Variants in OSGIN2 observed in about 807,000 individuals in gnomAD.
OSGIN2 encodes oxidative stress induced growth inhibitor family member 2.
A neutral mutation model predicts 53.8 loss-of-function variants in OSGIN2; 19 were observed. The ratio of observed to expected loss-of-function variants is 0.35; its 90% CI spans 0.25 to 0.52. The LOEUF (loss-of-function observed/expected upper bound fraction) is 0.52. Ranked by LOEUF, OSGIN2 falls within the 20% of genes least tolerant of loss-of-function variation. The pLI is 0.95. For missense variants in OSGIN2, 520 were observed against 662.7 expected, an observed-to-expected ratio of 0.78 and a Z score of 2.36; for synonymous variants, 236 against 236.0, an observed-to-expected ratio of 1.00 and a Z score of 0.00.
At chr8:89,916,151 A>G (rs1586004630) in intron 4 of OSGIN2, among the ~76,000 whole-genome samples, 1 of 152,186 alleles carries the variant, frequency 6.6e-6, no homozygotes, top group Admixed American at 6.5e-5. Flanking sequence ...GGGCATTTAG[A>G]CTGCCTTCTC....
chr8:89,925,595 CA>C lies in OSGIN2; in HGVS notation c.*64del. On this transcript the variant is annotated 3_prime_UTR_variant, in exon 6 of 6. Coordinates refer to ENST00000451899, the MANE Select transcript of OSGIN2 (RefSeq NM_001126111.3). ...TTAAAGATTTTTAATAGTGGTTTTG[CA>C]GTGTACTGGCTTGAATTTTCTGGAC... 1 of 1,328,818 alleles carries C rather than the reference CA, an allele frequency of 7.5e-7. No individual in the cohort carries two copies. Among genetic ancestry groups the C allele is most frequent in the Non-Finnish European group, 1.0e-6 (1 of 960,844 alleles). 82.3% of individuals were successfully genotyped at this position (1,328,818 alleles called of 1,614,324 possible).
chr8:89,925,542 A>G lies in OSGIN2; in HGVS notation c.*10A>G. The G allele has an allele frequency of 1.3e-6, 2 of 1,598,108 alleles. No individual in the cohort carries two copies. Among genetic ancestry groups the G allele is most frequent in the Non-Finnish European group, 1.7e-6 (2 of 1,169,188 alleles). The stretch of plus-strand genomic sequence containing the variant: ...AGATGGGATAGCTTAAAGCAAGTTT[A>G]CAAGTAATTAAAATGGACAGTTTGC... On this transcript the variant is annotated 3_prime_UTR_variant, in exon 6 of 6. Coordinates refer to ENST00000451899, the MANE Select transcript of OSGIN2 (RefSeq NM_001126111.3).
At chr8:89,918,292 C>T (rs984344822) in intron 4 of OSGIN2, among the ~76,000 whole-genome samples, 16 of 151,934 alleles carry the variant, frequency 1.1e-4, no homozygotes, top group Admixed American at 9.8e-4. Flanking sequence ...TTTGTGGATT[C>T]TTGTCTTTTT....
At position 89,914,547 on chromosome 8, in the gene OSGIN2, T is replaced by A; in HGVS notation, c.337-8T>A. On this transcript the variant is annotated splice_region_variant and splice_polypyrimidine_tract_variant and intron_variant, in intron 3 of 5. Coordinates refer to ENST00000451899, the MANE Select transcript of OSGIN2 (RefSeq NM_001126111.3). ...TTTTCAAACTCTGTCTCCCTTTTGT[T>A]CATTCAGGACTTAGAATACTTGTCT... 1 of 1,609,236 alleles carries A rather than the reference T, an allele frequency of 6.2e-7. No homozygotes were observed. Among genetic ancestry groups the A allele is most frequent in the Non-Finnish European group, 8.5e-7 (1 of 1,176,634 alleles).
chr8:89,902,867 G>A (rs1808753594), intron 1 of OSGIN2, 30 bp downstream of exon 1: 3 of 1,349,820 alleles, frequency 2.2e-6, no homozygotes, highest in South Asian at 3.6e-5. Flanking sequence ...TGGGAGGGGA[G>A]CAGGCGGGGA....
chr8:89,904,658 A>C (rs1808797613), intron 1 of OSGIN2, among the ~76,000 whole-genome samples: 2 of 151,880 alleles, frequency 1.3e-5, no homozygotes, highest in Admixed American at 1.3e-4. Flanking sequence ...TCTACTAAAA[A>C]CTCAAAAATT....
intron 2 of OSGIN2, among the ~76,000 whole-genome samples, chr8:89,913,393 G>A (rs1004153753): frequency 4.6e-5 from 7 of 152,160 alleles, no homozygotes; most frequent in African/African-American, 1.7e-4. Context: ...CATAATCTTT[G>A]CAAAAGTTGT....
At chr8:89,922,407 T>C (rs1809225719) in intron 5 of OSGIN2, among the ~76,000 whole-genome samples, 1 of 152,224 alleles carries the variant, frequency 6.6e-6, no homozygotes, top group South Asian at 2.1e-4. Context: ...TTCTTGATCT[T>C]CGTAACTTGG....
chr8:89,912,180 C>T (rs1808981603), intron 2 of OSGIN2, among the ~76,000 whole-genome samples: 1 of 152,078 alleles, frequency 6.6e-6, no homozygotes, highest in South Asian at 2.1e-4. Context: ...TTTTGAAAGG[C>T]AGATATAATA....
At chr8:89,919,595 T>C (rs536545577) in intron 4 of OSGIN2, among the ~76,000 whole-genome samples, 1 of 152,306 alleles carries the variant, frequency 6.6e-6, no homozygotes, top group South Asian at 2.1e-4. Flanking sequence ...AGAAGTTATT[T>C]CTAAGAAGGT....
intron 4 of OSGIN2, 25 bp from the exon 5 acceptor site, chr8:89,921,055 C>CT: frequency 7.6e-7 from 1 of 1,314,050 alleles, no homozygotes; most frequent in Non-Finnish European, 1.1e-6. Flanking sequence ...TTTGACGGTA[C>CT]ATTTTTTTTT....
chr8:89,902,928 G>T, intron 1 of OSGIN2, 91 bp downstream of exon 1: 1 of 938,632 alleles, frequency 1.1e-6, no homozygotes, highest in South Asian at 2.6e-5. Flanking sequence ...CCGGGGTGGA[G>T]GGCGAGCGCC....
At chr8:89,919,023 G>A (rs746986673) in intron 4 of OSGIN2, among the ~76,000 whole-genome samples, 2 of 152,126 alleles carry the variant, frequency 1.3e-5, no homozygotes, top group Non-Finnish European at 2.9e-5. Flanking sequence ...TGTCTGAGAT[G>A]TTACACCAAT....
chr8:89,902,893 CT>C (rs1210011517), intron 1 of OSGIN2, 56 bp downstream of exon 1: 8 of 1,229,654 alleles, frequency 6.5e-6, no homozygotes, highest in Non-Finnish European at 8.5e-6. Flanking sequence ...CGCTCTCGAG[CT>C]TTTTGGCCTG....
At position 89,902,799 on chromosome 8, in the gene OSGIN2, C is replaced by T. The variant is rs1257063972; in HGVS notation, c.6C>T (p.Pro2=). ...CGCCCCTCGCGCAGCGCTCCATGCC[C>T]GTGTGGTGCTGCCGCTGCTCCCTGG... The part of the protein sequence containing the change: M[P]VWCCRCSLAG... Residue 2 remains proline (P), a synonymous_variant, in exon 1 of 6, where the codon CCC becomes CCT. Coordinates refer to ENST00000451899, the MANE Select transcript of OSGIN2 (RefSeq NM_001126111.3). 1.5e-6 allele frequency: 2 copies of T among 1,344,916 alleles called. No individual in the cohort carries two copies. The highest frequency in any genetic ancestry group is 1.9e-6 in the Non-Finnish European group (2 of 1,028,630). 83.3% of individuals were successfully genotyped at this position (1,344,916 alleles called of 1,614,324 possible). A position where few individuals can be genotyped will look rare whatever the true frequency, so the allele number is the denominator to read the frequency against.
At chr8:89,924,293 T>A (rs796294820) in intron 5 of OSGIN2, among the ~76,000 whole-genome samples, 41 of 152,318 alleles carry the variant, frequency 2.7e-4, no homozygotes, top group African/African-American at 9.6e-4. Flanking sequence ...TAGTCTCTGC[T>A]CTCATGGGAC....
intron 4 of OSGIN2, among the ~76,000 whole-genome samples, chr8:89,915,526 A>C (rs1391579777): frequency 6.6e-6 from 1 of 152,226 alleles, no homozygotes; most frequent in East Asian, 1.9e-4. Flanking sequence ...CCAGTGAATT[A>C]AGGATTCACT....
chr8:89,910,413 G>C (rs1008885815), intron 2 of OSGIN2, among the ~76,000 whole-genome samples: 2 of 152,172 alleles, frequency 1.3e-5, no homozygotes, highest in African/African-American at 4.8e-5. Flanking sequence ...AGCTAACTAA[G>C]CCAGAGGAGA....
Position 89,927,554 on chromosome 8 carries a change from A to C in OSGIN2, c.*2022A>C, listed in dbSNP as rs1809372881. The C allele has an allele frequency of 6.6e-6, 1 of 152,216 alleles. No individual in the cohort carries two copies. Among genetic ancestry groups the C allele is most frequent in the Non-Finnish European group, 1.5e-5 (1 of 68,040 alleles). 9.4% of individuals were successfully genotyped at this position (152,216 alleles called of 1,614,324 possible). A position where few individuals can be genotyped will look rare whatever the true frequency, so the allele number is the denominator to read the frequency against. ...TATTCATGGAAGGGAAGAATCACTA[A>C]ATACTTGTCTAGTTATAGCATGATG... On this transcript the variant is annotated 3_prime_UTR_variant, in exon 6 of 6. Transcript: ENST00000451899.
Sources: gnomAD v4.1 joint callset for allele counts (sites outside exome capture counted in the v4.1 genomes callset) on GRCh38, gnomAD v4.1.1 for gene constraint, MANE v1.5 for transcripts, NCBI Gene and HGNC (gene_info 2026-07-23, HGNC 2026-07-21) for gene names.